The following TRPM3 variants were observed in gnomAD, a reference collection of about 807,000 sequenced individuals.
The protein encoded by TRPM3 is long transient receptor potential channel 3.
In TRPM3, 77 loss-of-function variants were observed where a neutral mutation model predicts 181.2. The ratio of observed to expected loss-of-function variants is 0.42; its 90% CI spans 0.35 to 0.51. The LOEUF is 0.51. TRPM3 is among the 20% of genes least tolerant of loss of function. The pLI, the probability that TRPM3 is intolerant of heterozygous loss-of-function variation, is 0.01. For missense variants in TRPM3, 1,759 were observed against 2,196.7 expected (o/e 0.80, Z 3.98); for synonymous variants, 745 against 796.4 (o/e 0.94, Z 1.09).
At chr9:70,979,263 C>T (rs150003267) in intron 1 of TRPM3, among the ~76,000 whole-genome samples, 226 of 152,262 alleles carry the variant, frequency 1.5e-3, no homozygotes, top group African/African-American at 4.9e-3. Context: ...ACATGGGGCG[C>T]GGAGATTTCA....
At chr9:70,913,556 A>G (rs1206755422) in intron 1 of TRPM3, among the ~76,000 whole-genome samples, 1 of 152,234 alleles carries the variant, frequency 6.6e-6, no homozygotes, top group Non-Finnish European at 1.5e-5. Flanking sequence ...AAAATATGCA[A>G]GAGTTTCTAT....
chr9:71,252,632 C>T (rs529219838), intron 1 of TRPM3, among the ~76,000 whole-genome samples: 7 of 152,134 alleles, frequency 4.6e-5, no homozygotes, highest in South Asian at 4.1e-4. Context: ...CACAAAATAA[C>T]GGGGAGATTT....
At chr9:71,344,436 G>A (rs942422902) in intron 1 of TRPM3, among the ~76,000 whole-genome samples, 1 of 151,776 alleles carries the variant, frequency 6.6e-6, no homozygotes, top group South Asian at 2.1e-4. Context: ...GGGAGATAGA[G>A]TGAGACTCCA....
intron 11 of TRPM3, 61 bp from the exon 12 acceptor site, chr9:70,635,322 A>C (rs948055535): frequency 1.7e-5 from 25 of 1,492,566 alleles, no homozygotes; most frequent in Non-Finnish European, 2.3e-5. Context: ...TTGGCAAGAC[A>C]AGAAGGATCT....
chr9:71,131,102 T>C (rs929674311), intron 1 of TRPM3, among the ~76,000 whole-genome samples: 8 of 152,218 alleles, frequency 5.3e-5, no homozygotes. Context: ...TGTGACAAAT[T>C]TGATCCTGCC....
intron 1 of TRPM3, among the ~76,000 whole-genome samples, chr9:71,270,044 A>G (rs1025053603): frequency 6.6e-6 from 1 of 152,078 alleles, no homozygotes; most frequent in Non-Finnish European, 1.5e-5. Flanking sequence ...TTCTTTTCTC[A>G]TAATTGTATT....
At chr9:71,379,314 T>C (rs1017995301) in intron 1 of TRPM3, among the ~76,000 whole-genome samples, 3 of 152,084 alleles carry the variant, frequency 2.0e-5, no homozygotes, top group Non-Finnish European at 4.4e-5. Context: ...ATATCAACTT[T>C]TCTGAAACAA....
At chr9:70,761,485 G>A in intron 8 of TRPM3, 116 bp downstream of exon 8, 1 of 1,445,586 alleles carries the variant, frequency 6.9e-7, no homozygotes, top group Non-Finnish European at 9.7e-7. Context: ...AGCCTGAGGA[G>A]AGCTGTAAGC....
At chr9:70,959,059 C>T (rs890218997) in intron 1 of TRPM3, among the ~76,000 whole-genome samples, 14 of 150,544 alleles carry the variant, frequency 9.3e-5, no homozygotes, top group African/African-American at 1.7e-4. Flanking sequence ...TGCTAAACGA[C>T]GAGTTAATGG....
intron 1 of TRPM3, among the ~76,000 whole-genome samples, chr9:71,202,328 G>A (rs1027028728): frequency 2.0e-5 from 3 of 152,128 alleles, no homozygotes; most frequent in Non-Finnish European, 4.4e-5. Flanking sequence ...AGATCTCCAT[G>A]TGCGTGCTGG....
At chr9:70,586,378 C>A (rs575207737) in intron 22 of TRPM3, among the ~76,000 whole-genome samples, 1 of 152,258 alleles carries the variant, frequency 6.6e-6, no homozygotes, top group South Asian at 2.1e-4. Context: ...ATCAAAACAG[C>A]GTCCGGAATC....
At chr9:70,846,734 T>C in intron 3 of TRPM3, 143 bp from the exon 4 acceptor site, 1 of 638,238 alleles carries the variant, frequency 1.6e-6, no homozygotes, top group Non-Finnish European at 2.7e-6. Flanking sequence ...GGTGATCATT[T>C]GCTTTATCAA....
At chr9:71,442,666 C>T (rs1464528548) in intron 1 of TRPM3, among the ~76,000 whole-genome samples, 1 of 152,108 alleles carries the variant, frequency 6.6e-6, no homozygotes, top group Non-Finnish European at 1.5e-5. Flanking sequence ...GATAAATATA[C>T]TTAATTGAAA....
chr9:70,930,520 A>T (rs2096765516), intron 1 of TRPM3, among the ~76,000 whole-genome samples: 1 of 152,190 alleles, frequency 6.6e-6, no homozygotes, highest in African/African-American at 2.4e-5. Flanking sequence ...ACTTATTTAA[A>T]TCTTAACATT....
At chr9:71,154,064 TAAC>T (rs1209184137) in intron 1 of TRPM3, among the ~76,000 whole-genome samples, 1 of 151,964 alleles carries the variant, frequency 6.6e-6, no homozygotes, top group African/African-American at 2.4e-5. Context: ...AATAAACAAA[TAAC>T]AACAACAACA....
At chr9:70,548,924 T>G (rs1366276549) in intron 25 of TRPM3, among the ~76,000 whole-genome samples, 3 of 152,120 alleles carry the variant, frequency 2.0e-5, no homozygotes, top group Non-Finnish European at 4.4e-5. Flanking sequence ...ATAGCTCTGC[T>G]GGCTATACTA....
chr9:71,094,605 C>T (rs1308307956), intron 1 of TRPM3, among the ~76,000 whole-genome samples: 1 of 152,064 alleles, frequency 6.6e-6, no homozygotes, highest in Non-Finnish European at 1.5e-5. Context: ...TCAGCTCTAC[C>T]ATTTACTAGC....
At chr9:70,667,215 C>T (rs991908746) in intron 9 of TRPM3, among the ~76,000 whole-genome samples, 2 of 151,900 alleles carry the variant, frequency 1.3e-5, no homozygotes, top group Non-Finnish European at 1.5e-5. Flanking sequence ...TGGAAGCCCC[C>T]GAGAACATAA....
At chr9:71,317,374 C>A (rs1431778318) in intron 1 of TRPM3, among the ~76,000 whole-genome samples, 1 of 152,166 alleles carries the variant, frequency 6.6e-6, no homozygotes, top group African/African-American at 2.4e-5. Flanking sequence ...TGGCTCATTC[C>A]TGTAATCCCA....
Sources: gnomAD v4.1 joint callset for allele counts (sites outside exome capture counted in the v4.1 genomes callset) on GRCh38, gnomAD v4.1.1 for gene constraint, MANE v1.5 for transcripts, NCBI Gene and HGNC (gene_info 2026-07-23, HGNC 2026-07-21) for gene names.